RRAGD: variants seen among roughly 807,000 people sequenced by gnomAD.
RRAGD encodes the protein Ras related GTP binding D, also known as ras-related GTP-binding protein D.
In RRAGD, 12 loss-of-function variants were observed where a neutral mutation model predicts 35.5. The observed-to-expected ratio is 0.34, with a 90% confidence interval of 0.22 to 0.55. The LOEUF (loss-of-function observed/expected upper bound fraction) is 0.55, where lower values mean the gene tolerates loss of function less well. Ranked by LOEUF, RRAGD falls within the 20% of genes least tolerant of loss-of-function variation. The pLI, the probability that RRAGD is intolerant of heterozygous loss-of-function variation, is 0.91. For synonymous variants in RRAGD, 155 were observed against 178.9 expected, an observed-to-expected ratio of 0.87 and a Z score of 1.07; for missense variants, 324 against 490.1, an observed-to-expected ratio of 0.66 and a Z score of 3.20.
chr6:89,403,514 G>A (rs1231797930), intron 1 of RRAGD, among the ~76,000 whole-genome samples: 3 of 151,812 alleles, frequency 2.0e-5, no homozygotes, highest in South Asian at 2.1e-4. Context: ...TCTAGGCATT[G>A]AGAACCTTTA....
At position 89,387,496 on chromosome 6, in the gene RRAGD, A is replaced by G. The variant is rs545323768; in HGVS notation, c.243T>C (p.Val81=). Residue 81 remains valine (V), a synonymous_variant, in exon 2 of 7, where the codon GTT becomes GTC. Transcript: ENST00000369415. ...CGTTGGGAGACATTTTGTGAAAGAC[A>G]ACTTTCTGAATAGACGACTTGCCGC... ...RRSGKSSIQK[V]VFHKMSPNET... 8.1e-6 allele frequency: 13 copies of G among 1,614,214 alleles called. No individual in the cohort carries two copies. The East Asian group carries it at 1.6e-4, about 19-fold the overall frequency.
intron 5 of RRAGD, 37 bp downstream of exon 5, chr6:89,377,634 A>G (rs763693290): frequency 1.3e-5 from 20 of 1,496,586 alleles, no homozygotes; most frequent in Non-Finnish European, 1.8e-5. Flanking sequence ...TGAAGGAAGG[A>G]TGGCTTGATT....
chr6:89,411,617 T>A lies in RRAGD; in HGVS notation c.148+229A>T. On this transcript the variant is annotated intron_variant, in intron 1 of 6. Coordinates refer to ENST00000369415, the MANE Select transcript of RRAGD (RefSeq NM_021244.5). The surrounding 1 kb of genome is among the most constrained non-coding windows in gnomAD (Gnocchi z 5.6). The stretch of plus-strand genomic sequence containing the variant: ...CCAGCCCAGACGCTTACTCCCTCCT[T>A]CCCCTTTTCCACCGATCCTGGTTGC... The A allele has an allele frequency of 7.1e-6, 4 of 560,482 alleles. No homozygotes were observed. The allele number at this position is 560,482 out of a possible 1,614,324, so 34.7% of individuals were successfully genotyped here. A position where few individuals can be genotyped will look rare whatever the true frequency, so the allele number is the denominator to read the frequency against.
intron 2 of RRAGD, among the ~76,000 whole-genome samples, chr6:89,381,553 A>G (rs72925841): frequency 3.1e-4 from 47 of 152,348 alleles, no homozygotes; most frequent in Non-Finnish European, 5.9e-4. Context: ...TCATGTATAC[A>G]TTAATACAGA....
chr6:89,392,299 C>A (rs1296412991), intron 1 of RRAGD, among the ~76,000 whole-genome samples: 1 of 151,816 alleles, frequency 6.6e-6, no homozygotes, highest in East Asian at 1.9e-4. Flanking sequence ...CATAGAGAGA[C>A]CTTTGTCTCT....
chr6:89,375,040 C>G (rs1401348773), intron 5 of RRAGD, among the ~76,000 whole-genome samples: 1 of 152,082 alleles, frequency 6.6e-6, no homozygotes. Flanking sequence ...ATATTAAACA[C>G]TGTTTATTAA....
intron 1 of RRAGD, among the ~76,000 whole-genome samples, chr6:89,405,281 G>A (rs1003397524): frequency 6.7e-6 from 1 of 149,288 alleles, no homozygotes; most frequent in Non-Finnish European, 1.5e-5. Context: ...GTGAACCTGG[G>A]AGGCGGAGCT....
chr6:89,388,573 G>C (rs924247015), intron 1 of RRAGD, among the ~76,000 whole-genome samples: 1 of 152,196 alleles, frequency 6.6e-6, no homozygotes, highest in African/African-American at 2.4e-5. Context: ...CATCCAGCAA[G>C]TGGCTAACGT....
rs1769701293 is a variant in RRAGD, at chr6:89,411,824, G to A, written c.148+22C>T. ...GGGGAGGAAAGGGGCGCGAGCCGAGGACGCGGGGGCCGGGCGCTCACCTCC... is the reference window on the plus strand; with the variant it reads ...GGGGAGGAAAGGGGCGCGAGCCGAGAACGCGGGGGCCGGGCGCTCACCTCC... On this transcript the variant is annotated intron_variant, in intron 1 of 6. Coordinates refer to ENST00000369415, the MANE Select transcript of RRAGD (RefSeq NM_021244.5). This position sits in a 1 kb window ranked among gnomAD's most constrained non-coding sequence, Gnocchi z 5.6. The A allele has an allele frequency of 5.8e-6, 9 of 1,543,192 alleles. No individual in the cohort carries two copies. The highest frequency in any genetic ancestry group is 1.4e-5 in the African/African-American group (1 of 73,074).
chr6:89,391,403 A>G (rs1769230535), intron 1 of RRAGD, among the ~76,000 whole-genome samples: 1 of 152,012 alleles, frequency 6.6e-6, no homozygotes, highest in Non-Finnish European at 1.5e-5. Flanking sequence ...AAAAAATACA[A>G]TGGAATATTA....
chr6:89,406,425 C>T (rs9362653), intron 1 of RRAGD, among the ~76,000 whole-genome samples: 23,410 of 151,964 alleles, frequency 0.15, 1,926 homozygotes, highest in East Asian at 0.28. Context: ...AGCAGCTGGA[C>T]GTCGAGAGGA....
chr6:89,389,808 T>G (rs1769200054), intron 1 of RRAGD, among the ~76,000 whole-genome samples: 1 of 152,130 alleles, frequency 6.6e-6, no homozygotes, highest in Non-Finnish European at 1.5e-5. Flanking sequence ...CTATCAGACC[T>G]TGAAAAAGAT....
At chr6:89,394,519 T>C (rs1769296164) in intron 1 of RRAGD, among the ~76,000 whole-genome samples, 1 of 152,212 alleles carries the variant, frequency 6.6e-6, no homozygotes, top group Admixed American at 6.5e-5. Context: ...TATTTTCAGA[T>C]ATTCAAGGAC....
chr6:89,412,065 C>G lies in RRAGD; in HGVS notation c.-72G>C. Reference sequence around the variant, plus strand: ...GGGGGCCAAGCCTCCTAGCCGGCCGCCCGCAGCCTATTTCTGAAGCGGAGG... The same window carrying G: ...GGGGGCCAAGCCTCCTAGCCGGCCGGCCGCAGCCTATTTCTGAAGCGGAGG... On this transcript the variant is annotated 5_prime_UTR_variant, in exon 1 of 7. Transcript: ENST00000369415. This position sits in a 1 kb window ranked among gnomAD's most constrained non-coding sequence, Gnocchi z 4.2. 1 of 1,418,708 alleles carries G rather than the reference C, an allele frequency of 7.0e-7. No individual in the cohort carries two copies. Among genetic ancestry groups the G allele is most frequent in the Non-Finnish European group, 9.3e-7 (1 of 1,075,908 alleles). The allele number at this position is 1,418,708 out of a possible 1,614,324, so 87.9% of individuals were successfully genotyped here.
In RRAGD at chr6:89,402,038, A is replaced by ATTTTTTTTTTTTTTTTTT. The variant is rs71556520; in HGVS notation, c.148+9790_148+9807dup. Among the ~76,000 whole-genome samples, 26 of 78,434 alleles carry ATTTTTTTTTTTTTTTTTT rather than the reference A, an allele frequency of 3.3e-4. 6 individuals carry two copies. In the East Asian group the frequency reaches 4.5e-3, roughly 14 times the overall value. 51.5% of individuals were successfully genotyped at this position (78,434 alleles called of 152,430 possible). A position where few individuals can be genotyped will look rare whatever the true frequency, so the allele number is the denominator to read the frequency against. On this transcript the variant is annotated intron_variant, in intron 1 of 6. Transcript: ENST00000369415. ...TGAAAGCACTGAGGAAATCCTAAGG[A>ATTTTTTTTTTTTTTTTTT]TTTTTTTTTTTTTTTTTTTTTTGGT... is the stretch of plus-strand genomic sequence containing the variant.
At chr6:89,374,604 C>A (rs1044050831) in intron 5 of RRAGD, among the ~76,000 whole-genome samples, 1 of 151,986 alleles carries the variant, frequency 6.6e-6, no homozygotes, top group Non-Finnish European at 1.5e-5. Flanking sequence ...GTAGTGCATG[C>A]CTGTAATCCC....
chr6:89,405,353 C>CAAAA (rs56252416), intron 1 of RRAGD, among the ~76,000 whole-genome samples: 49 of 52,096 alleles, frequency 9.4e-4, no homozygotes, highest in Non-Finnish European at 1.3e-3. Flanking sequence ...GACTCCGTCT[C>CAAAA]AAAAAAAAAA....
In RRAGD at chr6:89,390,762, G is replaced by A. The variant is rs553335061; in HGVS notation, c.149-3172C>T. On this transcript the variant is annotated intron_variant, in intron 1 of 6. Transcript: ENST00000369415. ...AAAATACAAAAATTAGCCAGACATGGTGGCAGGCACCTGTAATCCCAGCTA... is the reference window on the plus strand; with the variant it reads ...AAAATACAAAAATTAGCCAGACATGATGGCAGGCACCTGTAATCCCAGCTA... Among the ~76,000 whole-genome samples, 7 of 152,198 alleles carry A rather than the reference G, an allele frequency of 4.6e-5. No individual in the cohort carries two copies. The South Asian group carries it at 1.0e-3, about 23-fold the overall frequency.
chr6:89,396,728 ATTTTTTTT>A lies in RRAGD; in HGVS notation c.149-9146_149-9139del, dbSNP rs1160973684. On this transcript the variant is annotated intron_variant, in intron 1 of 6. Coordinates refer to ENST00000369415, the MANE Select transcript of RRAGD (RefSeq NM_021244.5). ...GCTGCTGCACCCAACCAATGACCCAATTTTTTTTTTTTTTTTTTTTTTTTTTTTTGAGA... is the reference window on the plus strand; with the variant it reads ...GCTGCTGCACCCAACCAATGACCCAATTTTTTTTTTTTTTTTTTTTTGAGA... Among the ~76,000 whole-genome samples, 108 of 76,386 alleles carry A rather than the reference ATTTTTTTT, an allele frequency of 1.4e-3. 1 individual carries two copies. Among genetic ancestry groups the A allele is most frequent in the East Asian group, 1.0e-2 (27 of 2,710 alleles). 50.1% of individuals were successfully genotyped at this position (76,386 alleles called of 152,430 possible).
Sources: gnomAD v4.1 joint callset for allele counts (sites outside exome capture counted in the v4.1 genomes callset) on GRCh38, gnomAD v4.1.1 for gene constraint, Gnocchi (gnomAD v3.1) non-coding constraint, MANE v1.5 for transcripts, NCBI Gene and HGNC (gene_info 2026-07-23, HGNC 2026-07-21) for gene names.